The following PLXNA4 variants were observed in gnomAD, a reference collection of about 807,000 sequenced individuals.
PLXNA4 encodes plexin A4.
A neutral mutation model predicts 191.8 loss-of-function variants in PLXNA4; 44 were observed. The observed-to-expected ratio is 0.23, with a 90% CI of 0.18 to 0.29. The LOEUF (loss-of-function observed/expected upper bound fraction) is 0.29, where lower values mean the gene tolerates loss of function less well. PLXNA4 is among the 10% of genes least tolerant of loss of function. PLXNA4 has a pLI of 1.00. For synonymous variants in PLXNA4, 1,082 were observed against 1,009.5 expected, an observed-to-expected ratio of 1.07 and a Z score of -1.36; for missense variants, 1,800 against 2,488.8, an observed-to-expected ratio of 0.72 and a Z score of 5.89.
At chr7:132,542,417 C>T (rs1222908106) in intron 1 of PLXNA4, among the ~76,000 whole-genome samples, 1 of 152,142 alleles carries the variant, frequency 6.6e-6, no homozygotes. Flanking sequence ...AAGACTTGCT[C>T]AGGAAATAAC....
rs566215100 is a variant in PLXNA4 at position 132,591,426 on chromosome 7, T to C, written c.-87+54502A>G. ...ACAAATTGCCAGAGTGAATTATGAG[T>C]GCCTAATGTCTGCCCACGACTCCAC... On this transcript the variant is annotated intron_variant, in intron 2 of 4. Coordinates refer to the PLXNA4 transcript ENST00000378539. Among the ~76,000 whole-genome samples the C allele has an allele frequency of 1.2e-3, 184 of 152,256 alleles. 2 individuals are homozygous for C. The South Asian group carries it at 0.036, about 30-fold the overall frequency.
intron 3 of PLXNA4, among the ~76,000 whole-genome samples, chr7:132,397,496 A>T (rs1179864227): frequency 6.6e-6 from 1 of 152,232 alleles, no homozygotes; most frequent in Admixed American, 6.5e-5. Flanking sequence ...CCACACACTC[A>T]TGAGAGCCCC....
intron 3 of PLXNA4, among the ~76,000 whole-genome samples, chr7:132,317,856 A>G (rs1262848585): frequency 6.6e-6 from 1 of 152,158 alleles, no homozygotes; most frequent in Admixed American, 6.5e-5. Flanking sequence ...ACACCTGGCC[A>G]GGCAATTTCA....
intron 3 of PLXNA4, among the ~76,000 whole-genome samples, chr7:132,305,096 G>T (rs1801458938): frequency 6.6e-6 from 1 of 152,180 alleles, no homozygotes; most frequent in Non-Finnish European, 1.5e-5. Flanking sequence ...GCTGTGGGAG[G>T]GGATTCTTGG....
At chr7:132,404,958 C>T (rs949129978) in intron 3 of PLXNA4, among the ~76,000 whole-genome samples, 4 of 152,066 alleles carry the variant, frequency 2.6e-5, no homozygotes, top group Non-Finnish European at 5.9e-5. Context: ...CAGGGCTGGT[C>T]CTCCTTGTTG....
At chr7:132,497,875 T>C (rs1798089807) in intron 2 of PLXNA4, among the ~76,000 whole-genome samples, 1 of 152,288 alleles carries the variant, frequency 6.6e-6, no homozygotes, top group African/African-American at 2.4e-5. Context: ...TTCTTTCGGG[T>C]GTCTTTTTCA....
intron 12 of PLXNA4, among the ~76,000 whole-genome samples, chr7:132,199,129 G>A (rs1322886465): frequency 6.6e-6 from 1 of 152,004 alleles, no homozygotes; most frequent in East Asian, 1.9e-4. Flanking sequence ...TACCTTCTTT[G>A]TGCCACTTAC....
At chr7:132,279,841 C>T (rs895369384) in intron 4 of PLXNA4, among the ~76,000 whole-genome samples, 2 of 152,110 alleles carry the variant, frequency 1.3e-5, no homozygotes, top group African/African-American at 4.8e-5. Flanking sequence ...GAGATGATGA[C>T]ATTAGCATGA....
intron 14 of PLXNA4, among the ~76,000 whole-genome samples, chr7:132,192,977 A>T (rs749450738): frequency 6.6e-6 from 1 of 152,026 alleles, no homozygotes; most frequent in Non-Finnish European, 1.5e-5. Flanking sequence ...GTGTGGGTAG[A>T]GGGAAATGGA....
intron 1 of PLXNA4, among the ~76,000 whole-genome samples, chr7:132,565,829 G>A (rs929866881): frequency 3.3e-5 from 5 of 152,194 alleles, no homozygotes; most frequent in Non-Finnish European, 1.5e-5. Context: ...CAGCATGGCT[G>A]GGAATCAATA....
chr7:132,322,368 A>G (rs1056176339), intron 3 of PLXNA4, among the ~76,000 whole-genome samples: 6 of 152,026 alleles, frequency 3.9e-5, no homozygotes, highest in Non-Finnish European at 8.8e-5. Flanking sequence ...TTTTTGGTAG[A>G]GACAGGGTTT....
intron 4 of PLXNA4, among the ~76,000 whole-genome samples, chr7:132,276,123 G>A (rs1293876982): frequency 6.6e-6 from 1 of 152,126 alleles, no homozygotes; most frequent in Non-Finnish European, 1.5e-5. Flanking sequence ...TCTCTGCTGT[G>A]TTTATTGTCT....
chr7:132,482,021 T>C (rs775072159), intron 3 of PLXNA4, among the ~76,000 whole-genome samples: 16 of 152,186 alleles, frequency 1.1e-4, no homozygotes, highest in Non-Finnish European at 2.1e-4. Context: ...GCCGTGTCCT[T>C]TTCCACACTA....
At chr7:132,306,896 G>C (rs34482947) in intron 3 of PLXNA4, among the ~76,000 whole-genome samples, 34,088 of 151,800 alleles carry the variant, frequency 0.22, 4,058 homozygotes, top group Admixed American at 0.32. Context: ...CTGGGGCAAA[G>C]AAGAGCTGGG....
At chr7:132,585,819 G>A (rs1802496180) in intron 2 of PLXNA4, among the ~76,000 whole-genome samples, 1 of 152,086 alleles carries the variant, frequency 6.6e-6, no homozygotes, top group South Asian at 2.1e-4. Flanking sequence ...TCATGGGTGG[G>A]GGCTCTACCC....
chr7:132,387,008 G>T (rs1269080380), intron 3 of PLXNA4, among the ~76,000 whole-genome samples: 1 of 152,198 alleles, frequency 6.6e-6, no homozygotes, highest in Non-Finnish European at 1.5e-5. Context: ...AAATACAAAT[G>T]CATTGAGTAT....
At chr7:132,330,988 C>T (rs1802568740) in intron 3 of PLXNA4, among the ~76,000 whole-genome samples, 1 of 151,546 alleles carries the variant, frequency 6.6e-6, no homozygotes, top group Non-Finnish European at 1.5e-5. Flanking sequence ...GCCTGCCAGT[C>T]ATTTTTCAAG....
At chr7:132,461,486 C>T (rs1796500856) in intron 3 of PLXNA4, among the ~76,000 whole-genome samples, 3 of 152,152 alleles carry the variant, frequency 2.0e-5, no homozygotes, top group African/African-American at 7.2e-5. Flanking sequence ...CATCACAGAG[C>T]AGACATCTTG....
intron 1 of PLXNA4, among the ~76,000 whole-genome samples, chr7:132,567,051 A>C (rs1801761493): frequency 1.3e-5 from 2 of 152,208 alleles, no homozygotes; most frequent in African/African-American, 4.8e-5. Flanking sequence ...AGGAGACATC[A>C]ATAGGCTTAA....
Sources: allele counts gnomAD v4.1 joint callset (sites outside exome capture counted in the v4.1 genomes callset), GRCh38; gene constraint gnomAD v4.1.1; transcripts MANE v1.5; gene names NCBI Gene and HGNC (gene_info 2026-07-23, HGNC 2026-07-21).